GFRA3: variants seen among roughly 807,000 people sequenced by gnomAD.
GFRA3 encodes GDNF family receptor alpha-3.
Under a neutral mutation model 40.0 loss-of-function variants are expected in GFRA3, and 24 were observed. The ratio of observed to expected loss-of-function variants is 0.60; its 90% CI spans 0.43 to 0.84. The LOEUF is 0.84. GFRA3 is among the 40% of genes least tolerant of loss of function. The pLI, the probability that GFRA3 is intolerant of heterozygous loss-of-function variation, is 0.00. For missense variants in GFRA3, 405 were observed against 530.6 expected (o/e 0.76, Z 2.33); for synonymous variants, 203 against 213.5 (o/e 0.95, Z 0.43).
At chr5:138,260,163 G>A (rs1392001646) in intron 2 of GFRA3, among the ~76,000 whole-genome samples, 2 of 152,146 alleles carry the variant, frequency 1.3e-5, no homozygotes, top group Non-Finnish European at 1.5e-5. Context: ...TGTGAGAGGC[G>A]TACACTTCCT....
chr5:138,258,211 G>A (rs1203634703), intron 3 of GFRA3, among the ~76,000 whole-genome samples: 1 of 57,536 alleles, frequency 1.7e-5, no homozygotes, highest in Non-Finnish European at 3.0e-5. Context: ...ACGGAGTTTT[G>A]CTCTTGTTGG....
rs1328864321 is a variant in GFRA3 at position 138,257,877 on chromosome 5, C to T, written c.547G>A (p.Gly183Arg). Residue 183 changes from glycine (G) to arginine (R), a missense_variant, in exon 4 of 8, where the codon GGG becomes AGG. Gly to Arg is a moderately radical substitution (Grantham distance 125). Coordinates refer to ENST00000274721, the MANE Select transcript of GFRA3 (RefSeq NM_001496.4). ...DKCDRLRKAY[G>R]EACSGPHCQR... ...CAGTGGGGCCCGGAGCACGCCTCCC[C>T]GTAGGCCTTGCGCAGCCGGTCACAC... 1.9e-6 allele frequency: 3 copies of T among 1,613,998 alleles called. No individual in the cohort carries two copies. Among genetic ancestry groups the T allele is most frequent in the Non-Finnish European group, 1.7e-6 (2 of 1,179,932 alleles).
At position 138,252,927 on chromosome 5, in the gene GFRA3, C is replaced by G. The variant is rs531846937; in HGVS notation, c.*41G>C. On this transcript the variant is annotated 3_prime_UTR_variant, in exon 8 of 8. Coordinates refer to ENST00000274721, the MANE Select transcript of GFRA3 (RefSeq NM_001496.4). ...CACCCCTTGTGGGCTGCAAGTCCACCTGGGTGTGGTGGAGGGGAAGAGGGC... is the reference window on the plus strand; with the variant it reads ...CACCCCTTGTGGGCTGCAAGTCCACGTGGGTGTGGTGGAGGGGAAGAGGGC... The G allele has an allele frequency of 9.0e-7, 1 of 1,106,524 alleles. No individual in the cohort carries two copies. The highest frequency in any genetic ancestry group is 1.4e-6 in the Non-Finnish European group (1 of 720,122). 68.5% of individuals were successfully genotyped at this position (1,106,524 alleles called of 1,614,324 possible). A position where few individuals can be genotyped will look rare whatever the true frequency, so the allele number is the denominator to read the frequency against.
intron 4 of GFRA3, among the ~76,000 whole-genome samples, chr5:138,256,585 T>C (rs1755634332): frequency 6.7e-6 from 1 of 150,364 alleles, no homozygotes; most frequent in Non-Finnish European, 1.5e-5. Context: ...AACCTAAATA[T>C]CTAGCAATAG....
intron 2 of GFRA3, among the ~76,000 whole-genome samples, chr5:138,263,900 A>G (rs1755744449): frequency 6.6e-6 from 1 of 151,998 alleles, no homozygotes; most frequent in Admixed American, 6.6e-5. Context: ...TTACCTCCCC[A>G]TCTCTCTGAA....
chr5:138,268,489 G>A (rs1755820849), intron 1 of GFRA3, among the ~76,000 whole-genome samples: 1 of 150,326 alleles, frequency 6.7e-6, no homozygotes. Flanking sequence ...ACAGTCAGCA[G>A]AGTAAACAGA....
At chr5:138,262,419 A>G (rs1490909616) in intron 2 of GFRA3, among the ~76,000 whole-genome samples, 4 of 152,174 alleles carry the variant, frequency 2.6e-5, no homozygotes, top group Admixed American at 6.6e-5. Context: ...CAGAATTGCT[A>G]TGAATCAATG....
At position 138,252,614 on chromosome 5, in the gene GFRA3, T is replaced by C; in HGVS notation, c.*354A>G. 1 of 183,398 alleles carries C rather than the reference T, an allele frequency of 5.5e-6. No homozygotes were observed. Among genetic ancestry groups the C allele is most frequent in the East Asian group, 1.5e-4 (1 of 6,754 alleles). The allele number at this position is 183,398 out of a possible 1,614,324, so 11.4% of individuals were successfully genotyped here. A position where few individuals can be genotyped will look rare whatever the true frequency, so the allele number is the denominator to read the frequency against. ...TAGGCTGCCTCAGAACACCCAGTCC[T>C]CCCTACCCTAACCCTAATCTGGAAT... is the stretch of plus-strand genomic sequence containing the variant. On this transcript the variant is annotated 3_prime_UTR_variant, in exon 8 of 8. Coordinates refer to ENST00000274721, the MANE Select transcript of GFRA3 (RefSeq NM_001496.4).
At chr5:138,257,570 C>T (rs1384412824) in intron 4 of GFRA3, 69 bp downstream of exon 4, 4 of 1,395,164 alleles carry the variant, frequency 2.9e-6, no homozygotes, top group African/African-American at 1.4e-5. Context: ...CTGCTCAGCA[C>T]AGGAACGTGG....
In GFRA3 at chr5:138,259,662, T is replaced by G. The variant is rs1382554863; in HGVS notation, c.380-13A>C. The G allele has an allele frequency of 8.7e-7, 1 of 1,152,484 alleles. No individual in the cohort carries two copies. Among genetic ancestry groups the G allele is most frequent in the East Asian group, 2.3e-5 (1 of 42,866 alleles). 71.4% of individuals were successfully genotyped at this position (1,152,484 alleles called of 1,614,324 possible). The stretch of plus-strand genomic sequence containing the variant: ...AGCTCATAGTTACCTAGAGACAAGG[T>G]GGGGAGCACCAGAATGCTGAGGACC... On this transcript the variant is annotated splice_polypyrimidine_tract_variant and intron_variant, in intron 2 of 7. Coordinates refer to ENST00000274721, the MANE Select transcript of GFRA3 (RefSeq NM_001496.4).
At chr5:138,263,007 C>T (rs1755733331) in intron 2 of GFRA3, among the ~76,000 whole-genome samples, 1 of 152,134 alleles carries the variant, frequency 6.6e-6, no homozygotes, top group South Asian at 2.1e-4. Context: ...CTCTGTCGCC[C>T]AGGCTAGAGT....
intron 6 of GFRA3, 104 bp from the exon 7 acceptor site, chr5:138,253,479 G>A (rs756379175): frequency 3.9e-6 from 3 of 770,900 alleles, no homozygotes; most frequent in Non-Finnish European, 6.9e-6. Flanking sequence ...GGCTATAGGG[G>A]AGCAAGTGGG....
At chr5:138,261,663 C>T (rs1257837609) in intron 2 of GFRA3, among the ~76,000 whole-genome samples, 17 of 128,068 alleles carry the variant, frequency 1.3e-4, no homozygotes, top group African/African-American at 5.1e-4. Flanking sequence ...CACTGCACTC[C>T]AGCCAGGGCA....
chr5:138,271,913 T>TTTTTTTTTGTGTGTGTGTGTGTG (rs59830655), intron 1 of GFRA3, among the ~76,000 whole-genome samples: 2 of 54,328 alleles, frequency 3.7e-5, no homozygotes, highest in Non-Finnish European at 7.0e-5. Flanking sequence ...TTTTTTTTTT[T>TTTTTTTTTGTGTGTGTGTGTGTG]TGTGTGTGTG....
chr5:138,268,284 G>GGAAAAAA (rs556521961), intron 1 of GFRA3, among the ~76,000 whole-genome samples: 1 of 33,148 alleles, frequency 3.0e-5, no homozygotes, highest in Non-Finnish European at 5.1e-5. Context: ...GACTCCATCT[G>GGAAAAAA]AAAAAAAAAA....
Position 138,252,550 on chromosome 5 carries a change from A to AG in GFRA3, c.*417dup, listed in dbSNP as rs1470687210. 1 of 161,604 alleles carries AG rather than the reference A, an allele frequency of 6.2e-6. No individual in the cohort carries two copies. Among genetic ancestry groups the AG allele is most frequent in the Non-Finnish European group, 1.4e-5 (1 of 73,586 alleles). 10.0% of individuals were successfully genotyped at this position (161,604 alleles called of 1,614,324 possible). On this transcript the variant is annotated 3_prime_UTR_variant, in exon 8 of 8. Coordinates refer to ENST00000274721, the MANE Select transcript of GFRA3 (RefSeq NM_001496.4). ...CATCCTCCACTCAGAGGAGGAGACG[A>AG]GGGGGCAGGAGCCTTCTTCACAAAG...
At chr5:138,274,311 C>A in intron 1 of GFRA3, 23 bp downstream of exon 1, 1 of 1,318,534 alleles carries the variant, frequency 7.6e-7, no homozygotes, top group Non-Finnish European at 9.7e-7. Context: ...GTACCCCCGG[C>A]CGGTGCGCGC....
In GFRA3 at chr5:138,274,453, TC is replaced by T; in HGVS notation, c.-30del. On this transcript the variant is annotated 5_prime_UTR_variant, in exon 1 of 8. Transcript: ENST00000274721. ...GAGCTGTAGGCGCCGGGCTCCGCGC[TC>T]CCCTCGCTCCTCCCCTGGAGCTCTG... 7.8e-7 allele frequency: 1 copy of T among 1,282,804 alleles called. No individual in the cohort carries two copies. Among genetic ancestry groups the T allele is most frequent in the Non-Finnish European group, 9.9e-7 (1 of 1,012,230 alleles). The allele number at this position is 1,282,804 out of a possible 1,614,324, so 79.5% of individuals were successfully genotyped here.
intron 3 of GFRA3, among the ~76,000 whole-genome samples, chr5:138,259,029 A>C (rs1755675425): frequency 6.6e-6 from 1 of 152,152 alleles, no homozygotes; most frequent in Non-Finnish European, 1.5e-5. Context: ...TTTTTCCTCA[A>C]TTAACTCATA....
Sources: allele counts gnomAD v4.1 joint callset (sites outside exome capture counted in the v4.1 genomes callset), GRCh38; gene constraint gnomAD v4.1.1; transcripts MANE v1.5; gene names NCBI Gene and HGNC (gene_info 2026-07-23, HGNC 2026-07-21).